PTGER4: variants seen among roughly 807,000 people sequenced by gnomAD.
PTGER4 encodes the protein prostaglandin E receptor 4.
In PTGER4, 11 loss-of-function variants were observed where a neutral mutation model predicts 33.2. The ratio of observed to expected loss-of-function variants is 0.33; its 90% CI spans 0.21 to 0.55. The LOEUF (loss-of-function observed/expected upper bound fraction) is 0.55. Ranked by LOEUF, PTGER4 falls within the 20% of genes least tolerant of loss-of-function variation. PTGER4 has a pLI of 0.92. For missense variants in PTGER4, 481 were observed against 650.2 expected, an observed-to-expected ratio of 0.74 and a Z score of 2.83; for synonymous variants, 275 against 281.5, an observed-to-expected ratio of 0.98 and a Z score of 0.23.
chr5:40,721,544 G>A, the PTGER4 span, among the ~76,000 whole-genome samples: 635 of 152,094 alleles, frequency 4.2e-3, 3 homozygotes, highest in African/African-American at 0.015. Context: ...TGGGAAAACC[G>A]GATATCCGCG....
chr5:40,708,437 A>T, the PTGER4 span, among the ~76,000 whole-genome samples: 1 of 152,352 alleles, frequency 6.6e-6, no homozygotes, highest in African/African-American at 2.4e-5. Flanking sequence ...TCTAGAAGAA[A>T]TGGATAAATT....
chr5:40,731,448 A>T, the PTGER4 span, among the ~76,000 whole-genome samples: 1 of 152,210 alleles, frequency 6.6e-6, no homozygotes, highest in Non-Finnish European at 1.5e-5. Context: ...TAAAGGAAAG[A>T]GGTTTAATTG....
rs1004276049 is a variant in PTGER4 at position 40,681,785 on chromosome 5, G to C, written c.792G>C (p.Ala264=). 5 of 1,595,032 alleles carry C rather than the reference G, an allele frequency of 3.1e-6. No homozygotes were observed. The highest frequency in any genetic ancestry group is 1.4e-5 in the African/African-American group (1 of 72,262). Residue 264 remains alanine, a synonymous_variant, in exon 2 of 3, where the codon GCG becomes GCC. Transcript: ENST00000302472. This position sits in a 1 kb window ranked among gnomAD's most constrained non-coding sequence, Gnocchi z 9.8. The stretch of plus-strand genomic sequence containing the variant: ...GCCGCCGGAGCTTCCGCCGCATCGC[G>C]GGCGCCGAGATCCAGATGGTCATCT... The part of the protein sequence containing the change: ...FRRRRSFRRI[A]GAEIQMVILL...
chr5:40,707,125 C>T, the PTGER4 span, among the ~76,000 whole-genome samples: 6 of 152,268 alleles, frequency 3.9e-5, no homozygotes, highest in Admixed American at 6.5e-5. Context: ...CATCAACTAA[C>T]GAGCAAAATA....
the PTGER4 span, among the ~76,000 whole-genome samples, chr5:40,727,069 C>T: frequency 3.0e-4 from 45 of 152,214 alleles, no homozygotes; most frequent in African/African-American, 1.1e-3. Flanking sequence ...TTTTCTCATA[C>T]AAATTCCTTA....
At chr5:40,689,211 T>C (rs1187301615) in intron 2 of PTGER4, among the ~76,000 whole-genome samples, 5 of 152,186 alleles carry the variant, frequency 3.3e-5, no homozygotes, top group African/African-American at 1.2e-4. Context: ...GCAATGAGTG[T>C]AAGTTCTCAA....
chr5:40,728,297 T>TAAAAAAAAAAAAAAA, the PTGER4 span: 2 of 401,710 alleles, frequency 5.0e-6, no homozygotes, highest in African/African-American at 1.0e-4. Context: ...AAAAAAAAAG[T>TAAAAAAAAAAAAAAA]CAAAATATAC....
At chr5:40,744,015 G>A in the PTGER4 span, among the ~76,000 whole-genome samples, 4 of 152,172 alleles carry the variant, frequency 2.6e-5, no homozygotes, top group African/African-American at 4.8e-5. Context: ...GAGGGAATCC[G>A]ATGGCAATAA....
At chr5:40,738,288 C>T in the PTGER4 span, among the ~76,000 whole-genome samples, 1 of 151,674 alleles carries the variant, frequency 6.6e-6, no homozygotes, top group Non-Finnish European at 1.5e-5. Context: ...GTGGTGCGCG[C>T]CTGTAATCCC....
At position 40,692,907 on chromosome 5, in the gene PTGER4, A is replaced by G. The variant is rs969435492; in HGVS notation, c.*529A>G. The G allele has an allele frequency of 2.0e-6, 2 of 981,510 alleles. No homozygotes were observed. The highest frequency in any genetic ancestry group is 6.2e-5 in the Admixed American group (1 of 16,242). 60.8% of individuals were successfully genotyped at this position (981,510 alleles called of 1,614,324 possible). A position where few individuals can be genotyped will look rare whatever the true frequency, so the allele number is the denominator to read the frequency against. ...TACAAGGTATAATAAAATTATCGCA[A>G]CCCCTCTCCTTCCAGTATAACCAGC... On this transcript the variant is annotated 3_prime_UTR_variant, in exon 3 of 3. Transcript: ENST00000302472.
chr5:40,712,038 C>T, the PTGER4 span, among the ~76,000 whole-genome samples: 21 of 152,150 alleles, frequency 1.4e-4, 1 homozygote, highest in African/African-American at 4.8e-4. Flanking sequence ...CCAACTATAA[C>T]GTTAAAATAC....
chr5:40,694,052 T>C (rs4957342), downstream of PTGER4, among the ~76,000 whole-genome samples: 48,523 of 151,968 alleles, frequency 0.32, 8,185 homozygotes, highest in East Asian at 0.56. Flanking sequence ...ATTTTTATTT[T>C]TTTATTTTTT....
Position 40,681,728 on chromosome 5 carries a change from C to G in PTGER4, c.735C>G (p.Ser245=). 1 of 1,597,062 alleles carries G rather than the reference C, an allele frequency of 6.3e-7. No individual in the cohort carries two copies. The highest frequency in any genetic ancestry group is 8.5e-7 in the Non-Finnish European group (1 of 1,176,226). ...SVASRGHPAA[S]PALPRLSDFR... Reference sequence around the variant, plus strand: ...CCTCCCGGGGCCACCCCGCTGCCTCCCCAGCCTTGCCGCGCCTCAGCGACT... The same window carrying G: ...CCTCCCGGGGCCACCCCGCTGCCTCGCCAGCCTTGCCGCGCCTCAGCGACT... The change falls in exon 2 of 3, where the codon TCC becomes TCG. Residue 245 remains serine, a synonymous_variant. Transcript: ENST00000302472. This position sits in a 1 kb window ranked among gnomAD's most constrained non-coding sequence, Gnocchi z 9.8.
chr5:40,733,363 T>C, the PTGER4 span, among the ~76,000 whole-genome samples: 1 of 152,050 alleles, frequency 6.6e-6, no homozygotes, highest in Non-Finnish European at 1.5e-5. Context: ...TCACAACTAT[T>C]CAACTCTATT....
the PTGER4 span, among the ~76,000 whole-genome samples, chr5:40,738,489 CAA>C: frequency 2.0e-5 from 2 of 101,636 alleles, no homozygotes; most frequent in Non-Finnish European, 4.1e-5. Context: ...CAATACAATA[CAA>C]TACAATACAA....
chr5:40,680,930 T>A lies in PTGER4; in HGVS notation c.-43-21T>A. On this transcript the variant is annotated intron_variant, in intron 1 of 2. Coordinates refer to ENST00000302472, the MANE Select transcript of PTGER4 (RefSeq NM_000958.3). The surrounding 1 kb of genome is among the most constrained non-coding windows in gnomAD (Gnocchi z 5.5). The stretch of plus-strand genomic sequence containing the variant: ...GTAATTTCCGCTCACGGCAGCTTTG[T>A]CTCTCTTCTACCATCCCCAGACCCA... The A allele has an allele frequency of 6.5e-7, 1 of 1,532,634 alleles. No homozygotes were observed. The highest frequency in any genetic ancestry group is 8.8e-7 in the Non-Finnish European group (1 of 1,140,514). 94.9% of individuals were successfully genotyped at this position (1,532,634 alleles called of 1,614,324 possible).
At chr5:40,738,692 A>G in the PTGER4 span, among the ~76,000 whole-genome samples, 1 of 152,102 alleles carries the variant, frequency 6.6e-6, no homozygotes, top group Non-Finnish European at 1.5e-5. Context: ...AACTTGCTCC[A>G]TATCTTTGCC....
chr5:40,686,586 G>A (rs1451989864), intron 2 of PTGER4, among the ~76,000 whole-genome samples: 1 of 152,210 alleles, frequency 6.6e-6, no homozygotes, highest in East Asian at 1.9e-4. Context: ...TGCTTCCAAA[G>A]CTTGGGCATT....
the PTGER4 span, among the ~76,000 whole-genome samples, chr5:40,736,895 T>C: frequency 6.6e-6 from 1 of 152,196 alleles, no homozygotes; most frequent in Non-Finnish European, 1.5e-5. Context: ...ATACTCACTA[T>C]ACCATCTCTA....
Sources: allele counts gnomAD v4.1 joint callset (sites outside exome capture counted in the v4.1 genomes callset), GRCh38; gene constraint gnomAD v4.1.1; non-coding constraint Gnocchi (gnomAD v3.1); transcripts MANE v1.5; gene names NCBI Gene and HGNC (gene_info 2026-07-23, HGNC 2026-07-21).